CPN2: variants seen among roughly 807,000 people sequenced by gnomAD.
CPN2 encodes the protein carboxypeptidase N 83 kDa chain.
For missense variants in CPN2, 620 were observed against 671.4 expected, an observed-to-expected ratio of 0.92 and a Z score of 0.85; for synonymous variants, 336 against 318.4, an observed-to-expected ratio of 1.06 and a Z score of -0.59.
rs777423874 is a variant in CPN2 at position 194,342,540 on chromosome 3, T to A, written c.163A>T (p.Ile55Phe). 1 of 1,613,952 alleles carries A rather than the reference T, an allele frequency of 6.2e-7. No individual in the cohort carries two copies. The highest frequency in any genetic ancestry group is 1.3e-5 in the African/African-American group (1 of 74,910). The change falls in exon 2 of 2, where the codon ATC becomes TTC. Residue 55 changes from isoleucine (I) to phenylalanine (F), a missense_variant. Physicochemically the swap from Ile to Phe is conservative, Grantham distance 21 (BLOSUM62 0). Transcript: ENST00000323830. ...GTGGTGAACGAGGTCTCCACAAAGATGATGTTTTTCGTATATGGCGGGATG... is the reference window on the plus strand; with the variant it reads ...GTGGTGAACGAGGTCTCCACAAAGAAGATGTTTTTCGTATATGGCGGGATG... ...LDIPPYTKNI[I>F]FVETSFTTLE...
chr3:194,346,247 C>G (rs1469989522), intron 1 of CPN2, among the ~76,000 whole-genome samples: 1 of 152,228 alleles, frequency 6.6e-6, no homozygotes, highest in Non-Finnish European at 1.5e-5. Flanking sequence ...GGAAGATGGA[C>G]CCGGGGAGGC....
Position 194,341,327 on chromosome 3 carries a change from G to A in CPN2, c.1376C>T (p.Pro459Leu), listed in dbSNP as rs552041309. 183 of 1,613,784 alleles carry A rather than the reference G, an allele frequency of 1.1e-4. No individual in the cohort carries two copies. Among genetic ancestry groups the A allele is most frequent in the South Asian group, 1.1e-3 (98 of 91,080 alleles). Reference sequence around the variant, plus strand: ...GCTGCCCCCTGCCTTGCTTTCGTCCGGCCACGTGACCTGGAAGCCCAAGTG... The same window carrying A: ...GCTGCCCCCTGCCTTGCTTTCGTCCAGCCACGTGACCTGGAAGCCCAAGTG... ...RDHLGFQVTW[P>L]DESKAGGSWD... The change falls in exon 2 of 2, where the codon CCG becomes CTG. Residue 459 changes from proline (P) to leucine (L), a missense_variant. Transcript: ENST00000323830.
At position 194,342,344 on chromosome 3, in the gene CPN2, A is replaced by G. The variant is rs1712879386; in HGVS notation, c.359T>C (p.Leu120Pro). Residue 120 changes from leucine (L) to proline (P), a missense_variant, in exon 2 of 2, where the codon CTG becomes CCG. Physicochemically the swap from Leu to Pro is moderately conservative, Grantham distance 98 (BLOSUM62 -3). Coordinates refer to ENST00000323830, the MANE Select transcript of CPN2 (RefSeq NM_001080513.4). ...GAGGGTGAGCTTGCCCAGCGAGGTC[A>G]GGTTGGAGAAGATGTTGGTGCTGAG... ...LNLSTNIFSN[L>P]TSLGKLTLNF... 1.2e-6 allele frequency: 2 copies of G among 1,614,108 alleles called. No homozygotes were observed. Among genetic ancestry groups the G allele is most frequent in the Non-Finnish European group, 1.7e-6 (2 of 1,180,010 alleles).
At chr3:194,346,698 A>G (rs1024774545) in intron 1 of CPN2, among the ~76,000 whole-genome samples, 1 of 152,234 alleles carries the variant, frequency 6.6e-6, no homozygotes, top group Non-Finnish European at 1.5e-5. Flanking sequence ...ATGAGGATGG[A>G]ATGAGAAAAC....
In CPN2 at chr3:194,349,895, G is replaced by A. The variant is rs144718569; in HGVS notation, c.-4+1347C>T. 4.0e-3 allele frequency among the ~76,000 whole-genome samples: 573 copies of A among 143,026 alleles called. 3 individuals carry two copies. The highest frequency in any genetic ancestry group is 0.011 in the Middle Eastern group (3 of 266). The allele number at this position is 143,026 out of a possible 152,430, so 93.8% of individuals were successfully genotyped here. A position where few individuals can be genotyped will look rare whatever the true frequency, so the allele number is the denominator to read the frequency against. On this transcript the variant is annotated intron_variant, in intron 1 of 1. Transcript: ENST00000323830. ...CTGCTCACTGCAACCTCTGCCTCCC[G>A]GGTTCAAGCGATTCTCCTGCCTCAG...
intron 1 of CPN2, among the ~76,000 whole-genome samples, chr3:194,349,938 A>T (rs1410378511): frequency 2.0e-5 from 3 of 151,198 alleles, no homozygotes; most frequent in African/African-American, 7.3e-5. Flanking sequence ...AGTAGTTGGG[A>T]TTACAGGCGC....
In CPN2 at chr3:194,342,050, C is replaced by T; in HGVS notation, c.653G>A (p.Ser218Asn). Reference sequence around the variant, plus strand: ...GCTGTCCAGGAAGAGCTCCTGCAGGCTGCCCAGTTTGCCAAACACACCCTG... The same window carrying T: ...GCTGTCCAGGAAGAGCTCCTGCAGGTTGCCCAGTTTGCCAAACACACCCTG... ...LPQGVFGKLG[S>N]LQELFLDSNN... Residue 218 changes from serine (S) to asparagine (N), a missense_variant, in exon 2 of 2, where the codon AGC (serine) becomes AAC (asparagine). Transcript: ENST00000323830. 3 of 1,614,186 alleles carry T rather than the reference C, an allele frequency of 1.9e-6. No homozygotes were observed. The highest frequency in any genetic ancestry group is 2.5e-6 in the Non-Finnish European group (3 of 1,180,032).
chr3:194,345,022 C>T (rs1029492710), intron 1 of CPN2, among the ~76,000 whole-genome samples: 1 of 152,206 alleles, frequency 6.6e-6, no homozygotes, highest in Non-Finnish European at 1.5e-5. Context: ...TGAAAGAAGC[C>T]ACCCCTGACC....
chr3:194,342,834 G>A (rs1560036494), intron 1 of CPN2, 129 bp from the exon 2 acceptor site: 1 of 571,054 alleles, frequency 1.8e-6, no homozygotes, highest in East Asian at 2.8e-5. Context: ...ACATGCGGCA[G>A]GACCAAGACC....
intron 1 of CPN2, among the ~76,000 whole-genome samples, chr3:194,350,878 G>T (rs4974525): frequency 0.39 from 58,312 of 151,042 alleles, 12,059 homozygotes; most frequent in African/African-American, 0.5. Context: ...ATTAATATAG[G>T]ATTAATAAGT....
intron 1 of CPN2, among the ~76,000 whole-genome samples, chr3:194,345,270 G>C (rs1713004441): frequency 6.6e-6 from 1 of 152,210 alleles, no homozygotes; most frequent in African/African-American, 2.4e-5. Flanking sequence ...ATGACCCCCA[G>C]CCAGGCTGCC....
intron 1 of CPN2, among the ~76,000 whole-genome samples, chr3:194,343,243 C>T (rs1426981922): frequency 2.0e-5 from 3 of 152,174 alleles, no homozygotes; most frequent in Non-Finnish European, 2.9e-5. Context: ...CAGAAGGACC[C>T]CAGACCTGGG....
chr3:194,342,163 G>A lies in CPN2; in HGVS notation c.540C>T (p.Leu180=). 1 of 1,614,130 alleles carries A rather than the reference G, an allele frequency of 6.2e-7. No homozygotes were observed. The highest frequency in any genetic ancestry group is 1.3e-5 in the African/African-American group (1 of 75,058). Residue 180 remains leucine (L), a synonymous_variant, in exon 2 of 2, where the codon CTC becomes CTT. Transcript: ENST00000323830. ...ACAGCTCCTCCGGGAGCTGGGCCAG[G>A]AGGTTCTGGGCCAGGTTGAGTGTCT... ...HLKTLNLAQN[L]LAQLPEELFH...
chr3:194,351,184 G>C, intron 1 of CPN2, 58 bp downstream of exon 1: 1 of 152,280 alleles, frequency 6.6e-6, no homozygotes, highest in East Asian at 1.9e-4. Context: ...GCAAGTTCCC[G>C]TTCCTGCCCC....
At position 194,342,389 on chromosome 3, in the gene CPN2, G is replaced by A. The variant is rs777140119; in HGVS notation, c.314C>T (p.Thr105Ile). The A allele has an allele frequency of 6.2e-7, 1 of 1,614,116 alleles. No individual in the cohort carries two copies. Among genetic ancestry groups the A allele is most frequent in the Non-Finnish European group, 8.5e-7 (1 of 1,179,984 alleles). Residue 105 changes from threonine to isoleucine, a missense_variant, in exon 2 of 2, where the codon ACA becomes ATA. Transcript: ENST00000323830. ...GLPRLEDLEV[T>I]GSSFLNLSTN... ...GCTGAGGTTCAAGAAGCTACTGCCTGTGACCTCCAGGTCCTCCAGCCTGGG... is the reference window on the plus strand; with the variant it reads ...GCTGAGGTTCAAGAAGCTACTGCCTATGACCTCCAGGTCCTCCAGCCTGGG...
Position 194,342,241 on chromosome 3 carries a change from C to G in CPN2, c.462G>C (p.Gly154=). The G allele has an allele frequency of 6.2e-7, 1 of 1,613,880 alleles. No individual in the cohort carries two copies. The highest frequency in any genetic ancestry group is 8.5e-7 in the Non-Finnish European group (1 of 1,179,906). Residue 154 remains glycine, a synonymous_variant, in exon 2 of 2, where the codon GGG becomes GGC. Transcript: ENST00000323830. ...TCCTGGGCAGGGCCTGGAGCTGGTT[C>G]CCCTGCAGGTGGAGGGACTCCAGGG... is the stretch of plus-strand genomic sequence containing the variant. ...LAALESLHLQ[G]NQLQALPRRL...
At chr3:194,346,728 C>T (rs1309284994) in intron 1 of CPN2, among the ~76,000 whole-genome samples, 2 of 152,242 alleles carry the variant, frequency 1.3e-5, no homozygotes, top group South Asian at 2.1e-4. Context: ...GCTCTAAGCT[C>T]AGGGCCTGGC....
chr3:194,341,131 G>T lies in CPN2; in HGVS notation c.1572C>A (p.Asp524Glu), dbSNP rs1173252880. The T allele has an allele frequency of 1.9e-6, 3 of 1,613,020 alleles. No individual in the cohort carries two copies. Among genetic ancestry groups the T allele is most frequent in the Non-Finnish European group, 2.5e-6 (3 of 1,179,776 alleles). Reference sequence around the variant, plus strand: ...GCAGAGAACCGCAGCTCGACCTCAGGTCCCACTCCTGACTAGCATTGTACT... The same window carrying T: ...GCAGAGAACCGCAGCTCGACCTCAGTTCCCACTCCTGACTAGCATTGTACT... ...GLQYNASQEWDLRSSCGSLRL... is the reference protein window; with the variant it reads ...GLQYNASQEWELRSSCGSLRL... The change falls in exon 2 of 2, where the codon GAC (aspartate) becomes GAA (glutamate). Residue 524 changes from aspartate to glutamate, a missense_variant. Coordinates refer to ENST00000323830, the MANE Select transcript of CPN2 (RefSeq NM_001080513.4).
chr3:194,343,520 G>A (rs1712940346), intron 1 of CPN2, among the ~76,000 whole-genome samples: 1 of 152,224 alleles, frequency 6.6e-6, no homozygotes, highest in Admixed American at 6.5e-5. Flanking sequence ...TTGCCACATA[G>A]CAAGACCAGC....
Sources: gnomAD v4.1 joint callset for allele counts (sites outside exome capture counted in the v4.1 genomes callset) on GRCh38, gnomAD v4.1.1 for gene constraint, MANE v1.5 for transcripts, NCBI Gene and HGNC (gene_info 2026-07-23, HGNC 2026-07-21) for gene names.